CORO2A: variants seen among roughly 807,000 people sequenced by gnomAD.
CORO2A encodes coronin-2A.
Under a neutral mutation model 62.4 loss-of-function variants are expected in CORO2A, and 47 were observed. The ratio of observed to expected loss-of-function variants is 0.75; its 90% CI spans 0.60 to 0.96. The LOEUF is 0.96. Ranked by LOEUF, CORO2A falls within the 40% of genes least tolerant of loss-of-function variation. The probability of loss-of-function intolerance (pLI) is 0.00; values close to 1 mark genes in which losing one functional copy is unlikely to be tolerated. For synonymous variants in CORO2A, 273 were observed against 268.9 expected, an observed-to-expected ratio of 1.02 and a Z score of -0.15; for missense variants, 610 against 684.1, an observed-to-expected ratio of 0.89 and a Z score of 1.21.
Position 98,124,911 on chromosome 9 carries a change from G to T in CORO2A, c.1447-6C>A. ...CGGTAGAACATCTGCAGCAACTGGGGAAGAAAGATCGGAAGGCAGGATCAC... is the reference window on the plus strand; with the variant it reads ...CGGTAGAACATCTGCAGCAACTGGGTAAGAAAGATCGGAAGGCAGGATCAC... On this transcript the variant is annotated splice_polypyrimidine_tract_variant and splice_region_variant and intron_variant, in intron 11 of 11. Transcript: ENST00000375077. The T allele has an allele frequency of 6.4e-7, 1 of 1,559,496 alleles. No homozygotes were observed. Among genetic ancestry groups the T allele is most frequent in the Non-Finnish European group, 8.7e-7 (1 of 1,150,282 alleles).
chr9:98,138,117 A>G (rs1324767561), intron 2 of CORO2A, among the ~76,000 whole-genome samples: 1 of 152,182 alleles, frequency 6.6e-6, no homozygotes, highest in Non-Finnish European at 1.5e-5. Flanking sequence ...GTCTATCTCC[A>G]TGGAAAATGA....
intron 2 of CORO2A, among the ~76,000 whole-genome samples, chr9:98,145,089 C>G (rs145268664): frequency 6.6e-6 from 1 of 152,266 alleles, no homozygotes; most frequent in East Asian, 1.9e-4. Context: ...CATCACCCCT[C>G]TCCTTATGAG....
chr9:98,127,272 G>A (rs989140871), intron 10 of CORO2A, among the ~76,000 whole-genome samples: 3 of 152,200 alleles, frequency 2.0e-5, no homozygotes, highest in African/African-American at 7.2e-5. Context: ...TCCAAAACTA[G>A]GACTCGGCCC....
intron 2 of CORO2A, among the ~76,000 whole-genome samples, chr9:98,139,729 G>A (rs777333961): frequency 2.6e-5 from 4 of 152,194 alleles, no homozygotes; most frequent in South Asian, 2.1e-4. Context: ...CTGGGAGGTC[G>A]AGGCTGCAGT....
chr9:98,180,270 G>T (rs1385995021), intron 1 of CORO2A, among the ~76,000 whole-genome samples: 1 of 152,016 alleles, frequency 6.6e-6, no homozygotes, highest in African/African-American at 2.4e-5. Flanking sequence ...CAGTCCTTGG[G>T]TTACATCATT....
intron 1 of CORO2A, among the ~76,000 whole-genome samples, chr9:98,189,202 C>G (rs1233699334): frequency 6.6e-6 from 1 of 152,164 alleles, no homozygotes; most frequent in Non-Finnish European, 1.5e-5. Context: ...GTAAGTTTCC[C>G]ATAGCAGCCT....
chr9:98,172,055 C>A (rs868139037), intron 1 of CORO2A, among the ~76,000 whole-genome samples: 3 of 151,968 alleles, frequency 2.0e-5, no homozygotes, highest in Admixed American at 6.6e-5. Flanking sequence ...GGTTGCGGAA[C>A]CCCATGAGGA....
intron 1 of CORO2A, among the ~76,000 whole-genome samples, chr9:98,170,147 G>T (rs1435123818): frequency 6.6e-6 from 1 of 152,222 alleles, no homozygotes; most frequent in Non-Finnish European, 1.5e-5. Flanking sequence ...TAGGAGCTCA[G>T]CCCATGGAAG....
At chr9:98,125,709 A>ATTTTT (rs993617176) in intron 11 of CORO2A, among the ~76,000 whole-genome samples, 11 of 89,586 alleles carry the variant, frequency 1.2e-4, no homozygotes, top group Non-Finnish European at 1.7e-4. Context: ...GTTTCCCACC[A>ATTTTT]TTTTTTTTTT....
At chr9:98,139,459 C>A (rs1827537493) in intron 2 of CORO2A, among the ~76,000 whole-genome samples, 1 of 152,084 alleles carries the variant, frequency 6.6e-6, no homozygotes, top group Non-Finnish European at 1.5e-5. Flanking sequence ...GAAACCCCAC[C>A]TCTACTAAAA....
chr9:98,157,800 G>A, intron 1 of CORO2A, 140 bp from the exon 2 acceptor site: 2 of 698,748 alleles, frequency 2.9e-6, no homozygotes, highest in Non-Finnish European at 4.8e-6. Flanking sequence ...GCACTGTGAA[G>A]GGCAAACAAG....
intron 1 of CORO2A, among the ~76,000 whole-genome samples, chr9:98,178,987 G>C (rs935678711): frequency 9.2e-5 from 14 of 152,220 alleles, no homozygotes; most frequent in Non-Finnish European, 1.3e-4. Flanking sequence ...TCTAGGCCTT[G>C]ATGCTACAAA....
chr9:98,156,739 G>A (rs1386538266), intron 2 of CORO2A, among the ~76,000 whole-genome samples: 1 of 152,162 alleles, frequency 6.6e-6, no homozygotes, highest in African/African-American at 2.4e-5. Flanking sequence ...TACATGCTTT[G>A]TGATCTTTGT....
intron 1 of CORO2A, among the ~76,000 whole-genome samples, chr9:98,157,922 G>C (rs1041836255): frequency 6.6e-5 from 10 of 152,180 alleles, no homozygotes; most frequent in African/African-American, 2.4e-4. Context: ...ATCCCTTTGA[G>C]TGTGAATATA....
rs756664337 is a variant in CORO2A at position 98,155,752 on chromosome 9, TG to T, written c.201+1707del. On this transcript the variant is annotated intron_variant, in intron 2 of 11. Coordinates refer to ENST00000375077, the MANE Select transcript of CORO2A (RefSeq NM_052820.4). Reference sequence around the variant, plus strand: ...GACAAGTTATATTTTTTAAGGAGTTTGCCCATATTGTTAATGTTCTCAAATT... The same window carrying T: ...GACAAGTTATATTTTTTAAGGAGTTTCCCATATTGTTAATGTTCTCAAATT... Among the ~76,000 whole-genome samples the T allele has an allele frequency of 6.6e-5, 10 of 152,336 alleles. No individual in the cohort carries two copies. The East Asian group carries it at 1.7e-3, about 26-fold the overall frequency.
At chr9:98,172,915 G>A (rs572792477) in intron 1 of CORO2A, 1 of 152,406 alleles carries the variant, frequency 6.6e-6, no homozygotes, top group South Asian at 2.1e-4. Flanking sequence ...CTGCCCGCAA[G>A]ACTGGCTGTG....
At position 98,122,857 on chromosome 9, in the gene CORO2A, C is replaced by T. The variant is rs1471834837; in HGVS notation, c.*1917G>A. The T allele has an allele frequency of 6.6e-6, 1 of 152,274 alleles. No homozygotes were observed. Among genetic ancestry groups the T allele is most frequent in the Non-Finnish European group, 1.5e-5 (1 of 68,104 alleles). The allele number at this position is 152,274 out of a possible 1,614,324, so 9.4% of individuals were successfully genotyped here. A position where few individuals can be genotyped will look rare whatever the true frequency, so the allele number is the denominator to read the frequency against. On this transcript the variant is annotated 3_prime_UTR_variant, in exon 12 of 12. Transcript: ENST00000375077. Reference sequence around the variant, plus strand: ...GCAGTCATGGGCACAGTTCTGAAGTCTGCGTCCCTCCATAAGGGACAGCAT... The same window carrying T: ...GCAGTCATGGGCACAGTTCTGAAGTTTGCGTCCCTCCATAAGGGACAGCAT...
chr9:98,181,250 G>A (rs1245784161), intron 1 of CORO2A, among the ~76,000 whole-genome samples: 4 of 151,786 alleles, frequency 2.6e-5, no homozygotes, highest in African/African-American at 7.3e-5. Context: ...GGGCACCCAC[G>A]TGGCCTCCTT....
At chr9:98,131,957 T>G (rs565953473) in intron 6 of CORO2A, among the ~76,000 whole-genome samples, 2 of 152,198 alleles carry the variant, frequency 1.3e-5, no homozygotes, top group East Asian at 3.9e-4. Context: ...GCCAACGGAC[T>G]CCCCTGGGTC....
Sources: gnomAD v4.1 joint callset for allele counts (sites outside exome capture counted in the v4.1 genomes callset) on GRCh38, gnomAD v4.1.1 for gene constraint, MANE v1.5 for transcripts, NCBI Gene and HGNC (gene_info 2026-07-23, HGNC 2026-07-21) for gene names.